SORCS2: variants seen among roughly 807,000 people sequenced by gnomAD.
SORCS2 encodes VPS10 domain-containing receptor SorCS2.
In SORCS2, 100 loss-of-function variants were observed where a neutral mutation model predicts 141.6. That is an observed-to-expected ratio of 0.71 (90% CI 0.60 to 0.83). The LOEUF is 0.83. Ranked by LOEUF, SORCS2 falls within the 40% of genes least tolerant of loss-of-function variation. The pLI, the probability that SORCS2 is intolerant of heterozygous loss-of-function variation, is 0.00. For missense variants in SORCS2, 1,646 were observed against 1,560.2 expected, an observed-to-expected ratio of 1.05 and a Z score of -0.93; for synonymous variants, 789 against 676.9, an observed-to-expected ratio of 1.17 and a Z score of -2.57.
intron 2 of SORCS2, among the ~76,000 whole-genome samples, chr4:7,484,280 C>G (rs1730839717): frequency 6.6e-6 from 1 of 152,224 alleles, no homozygotes; most frequent in Admixed American, 6.5e-5. Flanking sequence ...AATTACATCT[C>G]TGTCTTCCCA....
At chr4:7,366,289 C>T (rs1936229499) in intron 1 of SORCS2, among the ~76,000 whole-genome samples, 1 of 151,826 alleles carries the variant, frequency 6.6e-6, no homozygotes, top group African/African-American at 2.4e-5. Context: ...CTTTTTTAAA[C>T]CTGTGTGGAC....
At chr4:7,650,729 A>AGCCCAGCCCC (rs1721386282) in intron 4 of SORCS2, among the ~76,000 whole-genome samples, 1 of 31,048 alleles carries the variant, frequency 3.2e-5, no homozygotes, top group African/African-American at 1.5e-4. Context: ...CGCCCCGCCC[A>AGCCCAGCCCC]GCCCAGCCCA....
intron 2 of SORCS2, among the ~76,000 whole-genome samples, chr4:7,428,740 G>T (rs1486715592): frequency 6.6e-6 from 1 of 152,158 alleles, no homozygotes; most frequent in Non-Finnish European, 1.5e-5. Flanking sequence ...GCTGCACCAG[G>T]GTGGGGTCCA....
intron 2 of SORCS2, among the ~76,000 whole-genome samples, chr4:7,416,921 C>T (rs1429678150): frequency 6.6e-6 from 1 of 152,152 alleles, no homozygotes; most frequent in Non-Finnish European, 1.5e-5. Flanking sequence ...CACACTGACA[C>T]ATTCACACAC....
Position 7,712,817 on chromosome 4 carries a change from G to A in SORCS2, c.1953G>A (p.Glu651=), listed in dbSNP as rs867776408. 4 of 1,613,986 alleles carry A rather than the reference G, an allele frequency of 2.5e-6. No individual in the cohort carries two copies. The highest frequency in any genetic ancestry group is 3.4e-6 in the Non-Finnish European group (4 of 1,179,892). The part of the protein sequence containing the change: ...FRPSFSRQCG[E]EDYSSWELSN... Reference sequence around the variant, plus strand: ...CCTCATTCTCCAGGCAGTGCGGCGAGGAGGACTACAGCTCCTGGGAGCTCT... The same window carrying A: ...CCTCATTCTCCAGGCAGTGCGGCGAAGAGGACTACAGCTCCTGGGAGCTCT... Residue 651 remains glutamate (E), a synonymous_variant, in exon 15 of 27, where the codon GAG becomes GAA. Transcript: ENST00000507866.
At chr4:7,565,443 TATG>T (rs1411208741) in intron 3 of SORCS2, among the ~76,000 whole-genome samples, 1 of 152,150 alleles carries the variant, frequency 6.6e-6, no homozygotes, top group Non-Finnish European at 1.5e-5. Context: ...ATTAGGATGA[TATG>T]ATGATGCTAT....
intron 3 of SORCS2, among the ~76,000 whole-genome samples, chr4:7,562,308 G>A (rs1009791214): frequency 6.0e-5 from 9 of 149,990 alleles, no homozygotes; most frequent in East Asian, 1.9e-4. Context: ...GATCAGCTGC[G>A]TACACAAAGG....
chr4:7,204,458 TCCA>T (rs1727629153), intron 1 of SORCS2, among the ~76,000 whole-genome samples: 2 of 152,156 alleles, frequency 1.3e-5, no homozygotes, highest in African/African-American at 4.8e-5. Context: ...GCTCAAGCAA[TCCA>T]CCCGCCTCAG....
chr4:7,457,754 G>T (rs979945265), intron 2 of SORCS2, among the ~76,000 whole-genome samples: 4 of 152,274 alleles, frequency 2.6e-5, no homozygotes, highest in African/African-American at 7.2e-5. Context: ...AGCATCAGGG[G>T]TGTTTTCCTT....
intron 1 of SORCS2, among the ~76,000 whole-genome samples, chr4:7,307,087 G>T (rs974714817): frequency 2.6e-5 from 4 of 152,284 alleles, no homozygotes; most frequent in Admixed American, 1.3e-4. Context: ...AGAAACCGAG[G>T]CTGGGGAGAG....
At position 7,718,057 on chromosome 4, in the gene SORCS2, G is replaced by A; in HGVS notation, c.2298G>A (p.Met766Ile). 1.2e-6 allele frequency: 2 copies of A among 1,610,380 alleles called. No homozygotes were observed. Among genetic ancestry groups the A allele is most frequent in the Non-Finnish European group, 1.7e-6 (2 of 1,178,372 alleles). The change falls in exon 18 of 27, where the codon ATG becomes ATA. Residue 766 changes from methionine (M) to isoleucine (I), a missense_variant. Transcript: ENST00000507866. Reference sequence around the variant, plus strand: ...ACGTGTGTGAGGGTGGGGTGGACATGCAGCAGAGTCAGGTGCAGCTGCAGT... The same window carrying A: ...ACGTGTGTGAGGGTGGGGTGGACATACAGCAGAGTCAGGTGCAGCTGCAGT... ...VSNVCEGGVD[M>I]QQSQVQLQCP...
At chr4:7,682,681 G>A in intron 9 of SORCS2, 62 bp from the exon 10 acceptor site, 1 of 1,510,748 alleles carries the variant, frequency 6.6e-7, no homozygotes, top group South Asian at 1.3e-5. Flanking sequence ...GAGCATGGTG[G>A]ATACTTGGTC....
intron 1 of SORCS2, among the ~76,000 whole-genome samples, chr4:7,253,730 G>A (rs541628017): frequency 6.6e-6 from 1 of 152,342 alleles, no homozygotes; most frequent in East Asian, 1.9e-4. Context: ...GGGAGGATGT[G>A]CTGGCAAGGC....
chr4:7,700,682 T>A (rs1398315538), intron 12 of SORCS2, among the ~76,000 whole-genome samples: 10 of 152,284 alleles, frequency 6.6e-5, no homozygotes, highest in Non-Finnish European at 1.3e-4. Flanking sequence ...GATCCCGGCA[T>A]GACAACTCCC....
Position 7,409,068 on chromosome 4 carries a change from G to C in SORCS2, c.548+12713G>C, listed in dbSNP as rs865984148. On this transcript the variant is annotated intron_variant, in intron 2 of 26. Coordinates refer to ENST00000507866, the MANE Select transcript of SORCS2 (RefSeq NM_020777.3). ...ACGTATCATCATCTCATTAGAGTCA[G>C]TTACTGGTTTCTTACTTTGTCCATT... Among the ~76,000 whole-genome samples the C allele has an allele frequency of 1.2e-4, 19 of 152,304 alleles. No homozygotes were observed. The South Asian group carries it at 3.7e-3, about 30-fold the overall frequency.
chr4:7,550,866 A>G (rs1183270237), intron 3 of SORCS2, among the ~76,000 whole-genome samples: 1 of 152,170 alleles, frequency 6.6e-6, no homozygotes, highest in Non-Finnish European at 1.5e-5. Flanking sequence ...CCCTTTTTCC[A>G]TCTGTCTCAC....
intron 3 of SORCS2, among the ~76,000 whole-genome samples, chr4:7,553,029 G>C (rs1472455703): frequency 6.6e-6 from 1 of 152,154 alleles, no homozygotes; most frequent in Admixed American, 6.5e-5. Context: ...TAGAACTAGA[G>C]GCCATTTTGG....
rs1490276392 is a variant in SORCS2, at chr4:7,726,681, GA to G, written c.2746-98del. 3 of 1,482,944 alleles carry G rather than the reference GA, an allele frequency of 2.0e-6. No individual in the cohort carries two copies. In the African/African-American group the frequency reaches 4.2e-5, roughly 21 times the overall value. The allele number at this position is 1,482,944 out of a possible 1,614,324, so 91.9% of individuals were successfully genotyped here. A position where few individuals can be genotyped will look rare whatever the true frequency, so the allele number is the denominator to read the frequency against. ...GCCCATTTGCTGATGGGAACAAGGG[GA>G]CAGCAATGCTCTCAGTGAGGCAGCG... On this transcript the variant is annotated intron_variant, in intron 20 of 26. Coordinates refer to ENST00000507866, the MANE Select transcript of SORCS2 (RefSeq NM_020777.3).
At chr4:7,610,609 C>T (rs1449525617) in intron 3 of SORCS2, among the ~76,000 whole-genome samples, 1 of 152,164 alleles carries the variant, frequency 6.6e-6, no homozygotes, top group African/African-American at 2.4e-5. Context: ...CCTTAAGTAC[C>T]TTAAAAATGC....
Sources: gnomAD v4.1 joint callset for allele counts (sites outside exome capture counted in the v4.1 genomes callset) on GRCh38, gnomAD v4.1.1 for gene constraint, MANE v1.5 for transcripts, NCBI Gene and HGNC (gene_info 2026-07-23, HGNC 2026-07-21) for gene names.